Variants in ATG14 observed in about 807,000 individuals in gnomAD.
ATG14 encodes the protein autophagy related 14.
In ATG14, 35 loss-of-function variants were observed where a neutral mutation model predicts 60.4. The ratio of observed to expected loss-of-function variants is 0.58; its 90% confidence interval spans 0.44 to 0.77. The LOEUF (loss-of-function observed/expected upper bound fraction) is 0.77. ATG14 is among the 30% of genes least tolerant of loss of function. ATG14 has a pLI of 0.00. For synonymous variants in ATG14, 234 were observed against 228.8 expected (o/e 1.02, Z -0.21); for missense variants, 647 against 626.3 (o/e 1.03, Z -0.35).
At chr14:55,402,178 A>G (rs1885409842) in intron 1 of ATG14, among the ~76,000 whole-genome samples, 1 of 152,278 alleles carries the variant, frequency 6.6e-6, no homozygotes, top group Admixed American at 6.5e-5. Context: ...CAATTTACTG[A>G]GCACTTACTA....
intron 4 of ATG14, among the ~76,000 whole-genome samples, chr14:55,389,897 G>C (rs1445915787): frequency 2.0e-5 from 3 of 148,920 alleles, no homozygotes; most frequent in Non-Finnish European, 4.4e-5. Flanking sequence ...CTATGATAAA[G>C]TATAAAGTGT....
At chr14:55,403,817 T>C (rs1341677178) in intron 1 of ATG14, among the ~76,000 whole-genome samples, 1 of 152,214 alleles carries the variant, frequency 6.6e-6, no homozygotes, top group Non-Finnish European at 1.5e-5. Context: ...TGTGAGAGAA[T>C]TTTCCTATTT....
Position 55,368,638 on chromosome 14 carries a change from G to GAAAC in ATG14, c.*977_*980dup, listed in dbSNP as rs1227537165. On this transcript the variant is annotated 3_prime_UTR_variant, in exon 10 of 10. Coordinates refer to ENST00000247178, the MANE Select transcript of ATG14 (RefSeq NM_014924.5). Reference sequence around the variant, plus strand: ...TCCTCAGAGCAACAAAGAGTTCGGGGAAACAAGTAGGATGGTTTCCCCTGA... The same window carrying GAAAC: ...TCCTCAGAGCAACAAAGAGTTCGGGGAAACAAACAAGTAGGATGGTTTCCCCTGA... 3 of 151,894 alleles carry GAAAC rather than the reference G, an allele frequency of 2.0e-5. No individual in the cohort carries two copies. Among genetic ancestry groups the GAAAC allele is most frequent in the African/African-American group, 4.9e-5 (2 of 41,136 alleles). The allele number at this position is 151,894 out of a possible 1,614,324, so 9.4% of individuals were successfully genotyped here. A position where few individuals can be genotyped will look rare whatever the true frequency, so the allele number is the denominator to read the frequency against.
At position 55,386,040 on chromosome 14, in the gene ATG14, GT is replaced by G; in HGVS notation, c.465del (p.Gln156AsnfsTer21). 6.2e-7 allele frequency: 1 copy of G among 1,614,004 alleles called. No homozygotes were observed. On this transcript the variant is annotated frameshift_variant, in exon 5 of 10. Transcript: ENST00000247178. LOFTEE classifies it high-confidence loss of function. ...TTCTCCTTTTTCTCTTGGTGCCGTT[GT>G]GCTCGACTGTAAAGCTTCTGATTCT... ...KEKNQKLYSR[A>X]QRHQEKKEKI...
At chr14:55,400,557 G>C (rs1347373202) in intron 1 of ATG14, among the ~76,000 whole-genome samples, 2 of 152,142 alleles carry the variant, frequency 1.3e-5, no homozygotes, top group East Asian at 3.8e-4. Flanking sequence ...CAAGTGAATA[G>C]CCTAGTGCAC....
chr14:55,399,878 A>G (rs1400787343), intron 1 of ATG14, among the ~76,000 whole-genome samples: 2 of 152,248 alleles, frequency 1.3e-5, no homozygotes, highest in African/African-American at 4.8e-5. Context: ...TGTCTAGCTT[A>G]ATAGTGAGCT....
At chr14:55,397,492 CTA>C (rs1885332629) in intron 1 of ATG14, 58 bp from the exon 2 acceptor site, 1 of 1,333,702 alleles carries the variant, frequency 7.5e-7, no homozygotes. Context: ...TTCAATGAGA[CTA>C]TGCAAATTCC....
At chr14:55,401,260 T>C (rs1885393557) in intron 1 of ATG14, among the ~76,000 whole-genome samples, 1 of 147,594 alleles carries the variant, frequency 6.8e-6, no homozygotes, top group Admixed American at 6.6e-5. Flanking sequence ...TCCAATTTTT[T>C]ATAGTTTTTT....
chr14:55,397,155 G>A (rs1885326598), intron 2 of ATG14, among the ~76,000 whole-genome samples: 1 of 152,166 alleles, frequency 6.6e-6, no homozygotes, highest in Non-Finnish European at 1.5e-5. Context: ...AGTATCTACT[G>A]TATACCACAC....
rs140366259 is a variant in ATG14 at position 55,399,288 on chromosome 14, A to C, written c.222-1854T>G. Among the ~76,000 whole-genome samples the C allele has an allele frequency of 3.3e-5, 5 of 152,368 alleles. No homozygotes were observed. The East Asian group carries it at 9.6e-4, about 29-fold the overall frequency. On this transcript the variant is annotated intron_variant, in intron 1 of 9. Transcript: ENST00000247178. ...AATTTAAATTAATTAAAATTATATTAAAAGTTCAGTTCCTCAGTTGTACTG... is the reference window on the plus strand; with the variant it reads ...AATTTAAATTAATTAAAATTATATTCAAAGTTCAGTTCCTCAGTTGTACTG...
At chr14:55,387,453 G>A (rs2140136801) in intron 4 of ATG14, among the ~76,000 whole-genome samples, 1 of 152,196 alleles carries the variant, frequency 6.6e-6, no homozygotes, top group East Asian at 1.9e-4. Context: ...ACACTCCCCA[G>A]ACCTTTTGCT....
chr14:55,402,737 C>T (rs892848649), intron 1 of ATG14, among the ~76,000 whole-genome samples: 2 of 148,406 alleles, frequency 1.3e-5, no homozygotes, highest in African/African-American at 5.0e-5. Context: ...ATCCCACTGT[C>T]AGGAATAAAG....
chr14:55,393,653 T>C (rs1885262015), intron 3 of ATG14, among the ~76,000 whole-genome samples: 1 of 151,734 alleles, frequency 6.6e-6, no homozygotes, highest in Non-Finnish European at 1.5e-5. Flanking sequence ...CAAGTGATCC[T>C]CCCACCTCAA....
chr14:55,392,498 A>T (rs1885235410), intron 3 of ATG14, among the ~76,000 whole-genome samples: 1 of 151,986 alleles, frequency 6.6e-6, no homozygotes, highest in Non-Finnish European at 1.5e-5. Flanking sequence ...AAATACAAAA[A>T]ATTAGCCAGG....
intron 9 of ATG14, among the ~76,000 whole-genome samples, chr14:55,372,939 C>T (rs1312881215): frequency 6.6e-6 from 1 of 152,190 alleles, no homozygotes; most frequent in African/African-American, 2.4e-5. Flanking sequence ...GAAGACTCCT[C>T]AAGGGGCCAG....
intron 9 of ATG14, among the ~76,000 whole-genome samples, chr14:55,375,831 T>A (rs1884908279): frequency 6.6e-6 from 1 of 152,248 alleles, no homozygotes. Context: ...GCATCCTTGA[T>A]TGTTCCTATG....
At chr14:55,390,662 C>T (rs1478900889) in intron 4 of ATG14, among the ~76,000 whole-genome samples, 4 of 152,204 alleles carry the variant, frequency 2.6e-5, no homozygotes, top group East Asian at 1.9e-4. Flanking sequence ...TGAGCTACCA[C>T]GCCTGGCGCC....
Position 55,392,640 on chromosome 14 carries a change from C to T in ATG14, c.328-1648G>A, listed in dbSNP as rs541854694. Among the ~76,000 whole-genome samples, 13 of 142,238 alleles carry T rather than the reference C, an allele frequency of 9.1e-5. No homozygotes were observed. The South Asian group carries it at 2.9e-3, about 32-fold the overall frequency. The allele number at this position is 142,238 out of a possible 152,430, so 93.3% of individuals were successfully genotyped here. A position where few individuals can be genotyped will look rare whatever the true frequency, so the allele number is the denominator to read the frequency against. Reference sequence around the variant, plus strand: ...CTCCAGCCTGGGTGATATAGCAAGACTCCACCTCAAAAAAAAAAAAAAAAA... The same window carrying T: ...CTCCAGCCTGGGTGATATAGCAAGATTCCACCTCAAAAAAAAAAAAAAAAA... On this transcript the variant is annotated intron_variant, in intron 3 of 9. Coordinates refer to ENST00000247178, the MANE Select transcript of ATG14 (RefSeq NM_014924.5).
intron 4 of ATG14, among the ~76,000 whole-genome samples, chr14:55,388,707 G>A (rs1430925863): frequency 6.6e-6 from 1 of 152,118 alleles, no homozygotes; most frequent in East Asian, 1.9e-4. Flanking sequence ...AAGCTCTTAA[G>A]CATGAGTCCG....
Sources: allele counts gnomAD v4.1 joint callset (sites outside exome capture counted in the v4.1 genomes callset), GRCh38; gene constraint gnomAD v4.1.1; transcripts MANE v1.5; gene names NCBI Gene and HGNC (gene_info 2026-07-23, HGNC 2026-07-21).